The following TDRD3 variants were observed in gnomAD, a reference collection of about 807,000 sequenced individuals.
TDRD3 encodes the protein tudor domain-containing protein 3.
A neutral mutation model predicts 86.7 loss-of-function variants in TDRD3; 45 were observed. The ratio of observed to expected loss-of-function variants is 0.52; its 90% CI spans 0.41 to 0.67. TDRD3 has a LOEUF of 0.67. Among genes scored for constraint, TDRD3 ranks in the 30% least tolerant of loss-of-function variants. TDRD3 has a pLI of 0.00. For synonymous variants in TDRD3, 298 were observed against 301.7 expected (o/e 0.99, Z 0.13); for missense variants, 814 against 889.0 (o/e 0.92, Z 1.07).
intron 3 of TDRD3, 46 bp downstream of exon 3, chr13:60,444,794 T>C: frequency 1.8e-6 from 2 of 1,132,266 alleles, no homozygotes. Flanking sequence ...TTAGTTACAA[T>C]AAATATGAAC....
At chr13:60,466,436 CT>C (rs937140680) in intron 4 of TDRD3, among the ~76,000 whole-genome samples, 15 of 151,182 alleles carry the variant, frequency 9.9e-5, no homozygotes, top group Admixed American at 4.0e-4. Flanking sequence ...TATTGTCCAC[CT>C]TTTTTTTTCT....
chr13:60,475,609 A>T (rs1472606642), intron 5 of TDRD3, among the ~76,000 whole-genome samples: 1 of 152,160 alleles, frequency 6.6e-6, no homozygotes, highest in Non-Finnish European at 1.5e-5. Flanking sequence ...TAGTTCTTTG[A>T]GGAATCTCCG....
intron 11 of TDRD3, 37 bp downstream of exon 11, chr13:60,529,254 C>T (rs768966325): frequency 2.0e-5 from 30 of 1,516,680 alleles, no homozygotes; most frequent in Middle Eastern, 1.8e-4. Context: ...ACTAATATTA[C>T]GAAATGTAAC....
At chr13:60,432,451 A>T (rs1278263593) in intron 1 of TDRD3, among the ~76,000 whole-genome samples, 1 of 152,140 alleles carries the variant, frequency 6.6e-6, no homozygotes, top group African/African-American at 2.4e-5. Context: ...AAGAACTTTC[A>T]AGCCATTTTC....
At chr13:60,488,714 C>T (rs1383317591) in intron 7 of TDRD3, among the ~76,000 whole-genome samples, 3 of 152,050 alleles carry the variant, frequency 2.0e-5, no homozygotes. Flanking sequence ...GCTGGGACCA[C>T]AGGTGTGCAC....
At chr13:60,521,988 G>A (rs886092912) in intron 10 of TDRD3, among the ~76,000 whole-genome samples, 8 of 152,152 alleles carry the variant, frequency 5.3e-5, no homozygotes, top group Non-Finnish European at 1.0e-4. Flanking sequence ...TTGATAAGCA[G>A]AAGGTGGAAC....
intron 12 of TDRD3, among the ~76,000 whole-genome samples, chr13:60,551,795 G>T (rs1262677752): frequency 1.3e-5 from 2 of 152,122 alleles, no homozygotes; most frequent in Admixed American, 1.3e-4. Context: ...ATGGTAAAAG[G>T]TGAAGGAGAA....
rs181605481 is a variant in TDRD3, at chr13:60,534,171, G to A, written c.1993-937G>A. On this transcript the variant is annotated intron_variant, in intron 11 of 13. Transcript: ENST00000377881. ...ATGAAAAATTTTTAAAAATTAGCCA[G>A]GCATGGTTGTATGCACCTGTAGACC... Among the ~76,000 whole-genome samples the A allele has an allele frequency of 7.7e-3, 1,174 of 152,210 alleles. 8 individuals carry two copies. Among genetic ancestry groups the A allele is most frequent in the Non-Finnish European group, 0.012 (815 of 68,016 alleles).
chr13:60,544,327 C>G (rs1246619389), intron 12 of TDRD3, among the ~76,000 whole-genome samples: 1 of 150,876 alleles, frequency 6.6e-6, no homozygotes, highest in East Asian at 1.9e-4. Context: ...ACCTATAGTC[C>G]CAGCTACTGA....
chr13:60,479,693 C>A (rs560215142), intron 5 of TDRD3, among the ~76,000 whole-genome samples: 1 of 152,282 alleles, frequency 6.6e-6, no homozygotes, highest in Admixed American at 6.5e-5. Flanking sequence ...TGGGTATATA[C>A]ATATTTAGGA....
intron 1 of TDRD3, among the ~76,000 whole-genome samples, chr13:60,423,243 CT>C (rs960283990): frequency 6.6e-6 from 1 of 152,152 alleles, no homozygotes; most frequent in Non-Finnish European, 1.5e-5. Context: ...CATACCAGAA[CT>C]TTTATGCATC....
At chr13:60,468,483 A>G (rs765177430) in intron 5 of TDRD3, among the ~76,000 whole-genome samples, 1 of 152,092 alleles carries the variant, frequency 6.6e-6, no homozygotes, top group African/African-American at 2.4e-5. Flanking sequence ...CACTAAAATT[A>G]TGTTCATTTC....
At chr13:60,404,524 A>G (rs1323236165) in intron 1 of TDRD3, among the ~76,000 whole-genome samples, 12 of 151,174 alleles carry the variant, frequency 7.9e-5, no homozygotes, top group Non-Finnish European at 1.8e-4. Context: ...TTTAGCCGGG[A>G]TGGTCTCGAT....
chr13:60,398,096 T>C (rs1953989961), intron 1 of TDRD3, among the ~76,000 whole-genome samples: 1 of 152,202 alleles, frequency 6.6e-6, no homozygotes. Context: ...ATTTTCAGGA[T>C]TTGAAAACAA....
intron 10 of TDRD3, among the ~76,000 whole-genome samples, chr13:60,512,376 A>T (rs1595049884): frequency 6.6e-6 from 1 of 151,422 alleles, no homozygotes; most frequent in Non-Finnish European, 1.5e-5. Context: ...ATATCGTTCC[A>T]CCCCCAGCCC....
In TDRD3 at chr13:60,460,502, T is replaced by A; in HGVS notation, c.315T>A (p.Ser105Arg). The change falls in exon 4 of 14, where the codon AGT (serine) becomes AGA (arginine). Residue 105 changes from serine (S) to arginine (R), a missense_variant. Coordinates refer to ENST00000377881, the MANE Select transcript of TDRD3 (RefSeq NM_001146070.2). ...LRLQMTDGHI[S>R]CTAVEFSYMS... ...TACAGATGACTGATGGTCATATAAGTTGCACAGCAGTAGAATTTAGTTATA... is the reference window on the plus strand; with the variant it reads ...TACAGATGACTGATGGTCATATAAGATGCACAGCAGTAGAATTTAGTTATA... 6.3e-7 allele frequency: 1 copy of A among 1,576,796 alleles called. No individual in the cohort carries two copies. The highest frequency in any genetic ancestry group is 8.6e-7 in the Non-Finnish European group (1 of 1,169,448).
At chr13:60,519,944 A>G (rs892024099) in intron 10 of TDRD3, among the ~76,000 whole-genome samples, 14 of 152,248 alleles carry the variant, frequency 9.2e-5, no homozygotes, top group African/African-American at 2.9e-4. Context: ...TTGCAGTTGT[A>G]TTGTTGGTGT....
rs1001607447 is a variant in TDRD3, at chr13:60,431,644, T to A, written c.42-8044T>A. On this transcript the variant is annotated intron_variant, in intron 1 of 13. Transcript: ENST00000377881. ...TTAAATAGTGTTAAGTAATTAAAAA[T>A]TTTTTTTTGCATATTAATCCTTTCA... is the stretch of plus-strand genomic sequence containing the variant. Among the ~76,000 whole-genome samples the A allele has an allele frequency of 4.1e-4, 61 of 149,408 alleles. 1 individual carries two copies. Among genetic ancestry groups the A allele is most frequent in the South Asian group, 3.4e-3 (16 of 4,754 alleles).
chr13:60,516,269 T>G (rs1000127480), intron 10 of TDRD3, among the ~76,000 whole-genome samples: 3 of 152,242 alleles, frequency 2.0e-5, no homozygotes, highest in Non-Finnish European at 4.4e-5. Flanking sequence ...ACTTGTTATG[T>G]CATATCAGAT....
Sources: gnomAD v4.1 joint callset for allele counts (sites outside exome capture counted in the v4.1 genomes callset) on GRCh38, gnomAD v4.1.1 for gene constraint, MANE v1.5 for transcripts, NCBI Gene and HGNC (gene_info 2026-07-23, HGNC 2026-07-21) for gene names.